ABTB2: variants seen among roughly 807,000 people sequenced by gnomAD.
ABTB2 encodes ankyrin repeat and BTB domain containing 2.
ABTB2 carries 56 observed loss-of-function variants against 104.1 expected under a neutral mutation model. That is an observed-to-expected ratio of 0.54 (90% confidence interval 0.43 to 0.67). The LOEUF (loss-of-function observed/expected upper bound fraction) is 0.67. ABTB2 is among the 30% of genes least tolerant of loss of function. The probability of loss-of-function intolerance (pLI) is 0.00; values close to 1 mark genes in which losing one functional copy is unlikely to be tolerated. For synonymous variants in ABTB2, 606 were observed against 608.2 expected, an observed-to-expected ratio of 1.00 and a Z score of 0.05; for missense variants, 1,279 against 1,407.7, an observed-to-expected ratio of 0.91 and a Z score of 1.46.
chr11:34,233,714 G>A (rs1249792749), intron 1 of ABTB2, among the ~76,000 whole-genome samples: 1 of 151,410 alleles, frequency 6.6e-6, no homozygotes. Context: ...AAGGAATAAT[G>A]AATAAAGTTT....
chr11:34,258,243 T>G (rs112711015), intron 1 of ABTB2, among the ~76,000 whole-genome samples: 325 of 152,372 alleles, frequency 2.1e-3, no homozygotes, highest in African/African-American at 7.6e-3. Context: ...TATTACTGTG[T>G]ATCCCTCACA....
chr11:34,223,377 C>G (rs1853649272), intron 1 of ABTB2, among the ~76,000 whole-genome samples: 1 of 152,182 alleles, frequency 6.6e-6, no homozygotes, highest in Non-Finnish European at 1.5e-5. Context: ...CCCCAAAATT[C>G]TCCGCTCTCC....
intron 3 of ABTB2, among the ~76,000 whole-genome samples, chr11:34,179,112 C>T (rs1023407585): frequency 4.8e-4 from 72 of 150,876 alleles, no homozygotes; most frequent in Admixed American, 1.4e-3. Context: ...TAATGAGGAC[C>T]TCAAAGAGCT....
In ABTB2 at chr11:34,186,441, C is replaced by T. The variant is rs116831136; in HGVS notation, c.1244+10884G>A. On this transcript the variant is annotated intron_variant, in intron 3 of 16. Coordinates refer to ENST00000435224, the MANE Select transcript of ABTB2 (RefSeq NM_145804.3). ...TGAGGGTCTGAATGCTCTCCAGCTT[C>T]GCCTCGGAAGCAGGCTTCTTTAAGA... Among the ~76,000 whole-genome samples the T allele has an allele frequency of 2.3e-4, 35 of 152,366 alleles. 1 individual carries two copies. Among genetic ancestry groups the T allele is most frequent in the African/African-American group, 7.5e-4 (31 of 41,582 alleles).
At chr11:34,249,204 G>T (rs1043728820) in intron 1 of ABTB2, among the ~76,000 whole-genome samples, 1 of 152,216 alleles carries the variant, frequency 6.6e-6, no homozygotes, top group Non-Finnish European at 1.5e-5. Flanking sequence ...TCGTGAATGC[G>T]CAGCCTTGAG....
At position 34,172,436 on chromosome 11, in the gene ABTB2, A is replaced by ATTGTG. The variant is rs1354420182; in HGVS notation, c.1397+718_1397+719insCACAA. On this transcript the variant is annotated intron_variant, in intron 4 of 16. Coordinates refer to ENST00000435224, the MANE Select transcript of ABTB2 (RefSeq NM_145804.3). ...TATATATATGTGTGTGTGTGTGTGT[A>ATTGTG]TATAGATAGATAGATAGATAGATAG... Among the ~76,000 whole-genome samples the ATTGTG allele has an allele frequency of 8.4e-3, 599 of 71,294 alleles. 16 individuals are homozygous for ATTGTG. Among genetic ancestry groups the ATTGTG allele is most frequent in the Admixed American group, 0.012 (82 of 6,804 alleles). 46.8% of individuals were successfully genotyped at this position (71,294 alleles called of 152,430 possible).
At chr11:34,184,645 G>A (rs1853072205) in intron 3 of ABTB2, among the ~76,000 whole-genome samples, 1 of 152,242 alleles carries the variant, frequency 6.6e-6, no homozygotes, top group Non-Finnish European at 1.5e-5. Context: ...TCTCAGGCCA[G>A]AACTCCCCAG....
At chr11:34,255,537 G>A (rs1274558670) in intron 1 of ABTB2, among the ~76,000 whole-genome samples, 1 of 151,924 alleles carries the variant, frequency 6.6e-6, no homozygotes, top group East Asian at 1.9e-4. Context: ...CTGTTGCGCA[G>A]GCTGGAGTGT....
At chr11:34,350,473 T>G (rs1278648826) in intron 1 of ABTB2, among the ~76,000 whole-genome samples, 1 of 152,206 alleles carries the variant, frequency 6.6e-6, no homozygotes, top group Non-Finnish European at 1.5e-5. Flanking sequence ...AGGCCCTCCC[T>G]GGGCAGCAGA....
chr11:34,161,149 C>G (rs1852715864), intron 10 of ABTB2, 68 bp from the exon 11 acceptor site: 1 of 1,444,174 alleles, frequency 6.9e-7, no homozygotes, highest in African/African-American at 1.4e-5. Flanking sequence ...AGACCACAGC[C>G]TTTTCTGGGC....
intron 3 of ABTB2, among the ~76,000 whole-genome samples, chr11:34,189,906 A>G (rs978595596): frequency 2.0e-5 from 3 of 152,132 alleles, no homozygotes; most frequent in South Asian, 2.1e-4. Flanking sequence ...CTTGATCCCC[A>G]CAACACCCCT....
chr11:34,232,833 C>G (rs867526651), intron 1 of ABTB2, among the ~76,000 whole-genome samples: 3 of 151,768 alleles, frequency 2.0e-5, no homozygotes, highest in African/African-American at 7.3e-5. Flanking sequence ...ATTAGCCAGG[C>G]GTAATGGTCC....
chr11:34,178,546 T>C (rs1232905476), intron 3 of ABTB2, among the ~76,000 whole-genome samples: 1 of 152,212 alleles, frequency 6.6e-6, no homozygotes, highest in Non-Finnish European at 1.5e-5. Flanking sequence ...GTGTGCACCA[T>C]CCTCAAGATC....
intron 8 of ABTB2, 95 bp from the exon 9 acceptor site, chr11:34,164,916 C>G: frequency 6.9e-7 from 1 of 1,445,724 alleles, no homozygotes; most frequent in South Asian, 1.3e-5. Flanking sequence ...TCTCGCAGCT[C>G]TGAGTGCTGG....
chr11:34,270,784 T>A (rs1466716491), intron 1 of ABTB2, among the ~76,000 whole-genome samples: 1 of 152,218 alleles, frequency 6.6e-6, no homozygotes, highest in African/African-American at 2.4e-5. Flanking sequence ...TCTAGCCAGC[T>A]GTTGCCAGAT....
At chr11:34,323,906 CTTTTTTT>C (rs56375939) in intron 1 of ABTB2, among the ~76,000 whole-genome samples, 4 of 63,880 alleles carry the variant, frequency 6.3e-5, no homozygotes, top group Non-Finnish European at 1.1e-4. Context: ...TAAATTCCCT[CTTTTTTT>C]TTTTTTTTTT....
At chr11:34,284,009 G>C (rs141555675) in intron 1 of ABTB2, among the ~76,000 whole-genome samples, 2 of 152,378 alleles carry the variant, frequency 1.3e-5, no homozygotes, top group Non-Finnish European at 2.9e-5. Context: ...ATCTCAAACT[G>C]TGCCATGCAC....
intron 1 of ABTB2, among the ~76,000 whole-genome samples, chr11:34,248,991 G>A (rs576640081): frequency 2.0e-5 from 3 of 152,298 alleles, no homozygotes; most frequent in South Asian, 2.1e-4. Flanking sequence ...TTAGCCGGGC[G>A]TGGTGGCACA....
At chr11:34,353,145 T>C (rs1027763811) in intron 1 of ABTB2, among the ~76,000 whole-genome samples, 24 of 152,254 alleles carry the variant, frequency 1.6e-4, no homozygotes, top group African/African-American at 5.5e-4. Context: ...GTCTTGTGCA[T>C]GTTACCACTA....
Sources: gnomAD v4.1 joint callset for allele counts (sites outside exome capture counted in the v4.1 genomes callset) on GRCh38, gnomAD v4.1.1 for gene constraint, MANE v1.5 for transcripts, NCBI Gene and HGNC (gene_info 2026-07-23, HGNC 2026-07-21) for gene names.